The following COX15 variants were observed in gnomAD, a reference collection of about 807,000 sequenced individuals.
COX15 encodes the protein cytochrome c oxidase assembly factor COX15.
COX15 carries 51 observed loss-of-function variants against 51.9 expected under a neutral mutation model. The ratio of observed to expected loss-of-function variants is 0.98; its 90% CI spans 0.78 to 1.24. The LOEUF is 1.24. Among genes scored for constraint, COX15 ranks in the 50% most tolerant of loss-of-function variants. The pLI is 0.00. For missense variants in COX15, 420 were observed against 501.1 expected (o/e 0.84, Z 1.55); for synonymous variants, 188 against 190.5 (o/e 0.99, Z 0.11).
downstream of COX15, chr10:99,709,409 C>G: frequency 1.0e-6 from 1 of 985,398 alleles, no homozygotes; most frequent in Non-Finnish European, 1.2e-6. Flanking sequence ...CTTAGGGACG[C>G]TAGCTCCAGA....
chr10:99,707,226 C>G (rs17112172), downstream of COX15, among the ~76,000 whole-genome samples: 35,728 of 151,918 alleles, frequency 0.24, 4,316 homozygotes, highest in South Asian at 0.3. Context: ...CTAGGCTTGT[C>G]TTTATTACCA....
chr10:99,717,513 C>CT (rs2036615553), intron 7 of COX15, among the ~76,000 whole-genome samples: 1 of 151,938 alleles, frequency 6.6e-6, no homozygotes, highest in Non-Finnish European at 1.5e-5. Context: ...GCCCAGTGCT[C>CT]TTATTTTTAA....
At position 99,713,382 on chromosome 10, in the gene COX15, T is replaced by C; in HGVS notation, c.*1205A>G. 2 of 1,613,902 alleles carry C rather than the reference T, an allele frequency of 1.2e-6. No individual in the cohort carries two copies. The highest frequency in any genetic ancestry group is 1.7e-6 in the Non-Finnish European group (2 of 1,179,954). On this transcript the variant is annotated 3_prime_UTR_variant, in exon 9 of 9. Coordinates refer to ENST00000016171, the MANE Select transcript of COX15 (RefSeq NM_078470.6). ...TTTCAGTTGCCACTGTCATCTATTA[T>C]ATTAGCAATATTGGGTTGCTCCATC...
intron 6 of COX15, 146 bp from the exon 7 acceptor site, chr10:99,718,646 C>A: frequency 1.2e-6 from 1 of 834,404 alleles, no homozygotes; most frequent in Non-Finnish European, 2.0e-6. Context: ...AGGAGTTCTC[C>A]AACAGAGAAG....
At chr10:99,729,829 A>T in intron 1 of COX15, 95 bp from the exon 2 acceptor site, 4 of 1,164,418 alleles carry the variant, frequency 3.4e-6, no homozygotes, top group Non-Finnish European at 3.8e-6. Context: ...GTACCATAGC[A>T]TCCCCACAGC....
rs863223944 is a variant in COX15 at position 99,727,555 on chromosome 10, T to G, written c.281A>C (p.Glu94Ala). The change falls in exon 3 of 9, where the codon GAG (glutamate) becomes GCG (alanine). Residue 94 changes from glutamate to alanine, a missense_variant. Coordinates refer to ENST00000016171, the MANE Select transcript of COX15 (RefSeq NM_078470.6). ...CCAATCTACCATCGAGAGGCCAGAC[T>G]CTGTCAACCTTAGGATAGGAAAGAA... ...VILGGVTRLTESGLSMVDWHL... is the reference protein window; with the variant it reads ...VILGGVTRLTASGLSMVDWHL... 3.1e-6 allele frequency: 5 copies of G among 1,613,494 alleles called. No homozygotes were observed. The highest frequency in any genetic ancestry group is 3.4e-6 in the Non-Finnish European group (4 of 1,180,020).
At chr10:99,708,059 C>T (rs2036287377), downstream of COX15, among the ~76,000 whole-genome samples, 1 of 152,150 alleles carries the variant, frequency 6.6e-6, no homozygotes, top group African/African-American at 2.4e-5. Context: ...CTCTCTCCCT[C>T]CCTGCTCTAG....
rs1182899479 is a variant in COX15, at chr10:99,723,946, C to A, written c.750+10G>T. ...GGTCTTGAACACAGATATTTGCACA[C>A]AACTCTTACCTTGTGCGGAGGGAGT... On this transcript the variant is annotated intron_variant, in intron 5 of 8. Coordinates refer to ENST00000016171, the MANE Select transcript of COX15 (RefSeq NM_078470.6). The A allele has an allele frequency of 1.2e-6, 2 of 1,613,548 alleles. No individual in the cohort carries two copies. The highest frequency in any genetic ancestry group is 2.2e-5 in the South Asian group (2 of 91,056).
the COX15 span, chr10:99,702,703 TG>T: frequency 6.3e-7 from 1 of 1,579,542 alleles, no homozygotes; most frequent in Non-Finnish European, 8.6e-7. Context: ...TCTGGTATCT[TG>T]AGCTCAGAGG....
intron 2 of COX15, among the ~76,000 whole-genome samples, chr10:99,728,923 T>C (rs1468571051): frequency 6.6e-6 from 1 of 152,238 alleles, no homozygotes; most frequent in Non-Finnish European, 1.5e-5. Flanking sequence ...CAGAACTTCT[T>C]TGGGTTTAAT....
intron 5 of COX15, 96 bp downstream of exon 5, chr10:99,723,860 C>A: frequency 7.1e-7 from 1 of 1,400,322 alleles, no homozygotes; most frequent in Non-Finnish European, 1.0e-6. Flanking sequence ...GCAAAATATT[C>A]AACTCCTATA....
chr10:99,711,244 T>C lies in COX15; in HGVS notation c.*3343A>G. 1.0e-6 allele frequency: 1 copy of C among 985,354 alleles called. No homozygotes were observed. The highest frequency in any genetic ancestry group is 1.2e-6 in the Non-Finnish European group (1 of 829,862). The allele number at this position is 985,354 out of a possible 1,614,324, so 61.0% of individuals were successfully genotyped here. ...AAGTAAAACATCTGAAACCTTAACT[T>C]ACTCATGAGTTGCTACTTCCTTGGA... On this transcript the variant is annotated 3_prime_UTR_variant, in exon 9 of 9. Coordinates refer to ENST00000016171, the MANE Select transcript of COX15 (RefSeq NM_078470.6).
At chr10:99,709,056 TTTC>T (rs1590072138), downstream of COX15, 2 of 982,932 alleles carry the variant, frequency 2.0e-6, no homozygotes, top group Non-Finnish European at 2.4e-6. Context: ...TGTTCCTGTA[TTTC>T]TTTTCGTACT....
In COX15 at chr10:99,712,801, C is replaced by T. The variant is rs541168918; in HGVS notation, c.*1786G>A. On this transcript the variant is annotated 3_prime_UTR_variant, in exon 9 of 9. Transcript: ENST00000016171. ...TTGATTTGGTCTACCCTACTCTTGC[C>T]TTCTACAGAACTAAAACTAACTTCC... 13 of 327,718 alleles carry T rather than the reference C, an allele frequency of 4.0e-5. No homozygotes were observed. The highest frequency in any genetic ancestry group is 3.6e-4 in the Admixed American group (6 of 16,576). 20.3% of individuals were successfully genotyped at this position (327,718 alleles called of 1,614,324 possible). A position where few individuals can be genotyped will look rare whatever the true frequency, so the allele number is the denominator to read the frequency against.
In COX15 at chr10:99,713,154, T is replaced by C. The variant is rs942691713; in HGVS notation, c.*1433A>G. 1 of 1,334,384 alleles carries C rather than the reference T, an allele frequency of 7.5e-7. No individual in the cohort carries two copies. The highest frequency in any genetic ancestry group is 3.2e-5 in the Admixed American group (1 of 31,192). The allele number at this position is 1,334,384 out of a possible 1,614,324, so 82.7% of individuals were successfully genotyped here. A position where few individuals can be genotyped will look rare whatever the true frequency, so the allele number is the denominator to read the frequency against. On this transcript the variant is annotated 3_prime_UTR_variant, in exon 9 of 9. Transcript: ENST00000016171. ...TGATAAAACCTGAAGTACCACTAAT[T>C]TTTCTGTTATCATATAATAACAACA... is the stretch of plus-strand genomic sequence containing the variant.
rs2037188458 is a variant in COX15 at position 99,732,116 on chromosome 10, G to A, written c.-67C>T. 1.9e-6 allele frequency: 3 copies of A among 1,570,192 alleles called. No individual in the cohort carries two copies. Among genetic ancestry groups the A allele is most frequent in the South Asian group, 2.3e-5 (2 of 86,262 alleles). On this transcript the variant is annotated 5_prime_UTR_variant, in exon 1 of 9. Coordinates refer to ENST00000016171, the MANE Select transcript of COX15 (RefSeq NM_078470.6). Reference sequence around the variant, plus strand: ...TCTGTGGTCTCCCTCCTCCGCCAAGGAAAAGAGAAGCACTTCCGGGTCGGG... The same window carrying A: ...TCTGTGGTCTCCCTCCTCCGCCAAGAAAAAGAGAAGCACTTCCGGGTCGGG...
intron 6 of COX15, 22 bp downstream of exon 6, chr10:99,720,965 T>C (rs372655688): frequency 2.2e-5 from 35 of 1,606,658 alleles, no homozygotes; most frequent in Non-Finnish European, 2.3e-5. Context: ...AAACAGGTCA[T>C]CTTTGATGAG....
Position 99,714,254 on chromosome 10 carries a change from C to T in COX15, c.*333G>A, listed in dbSNP as rs117493763. 4.9e-4 allele frequency: 576 copies of T among 1,170,332 alleles called. 1 individual carries two copies. The highest frequency in any genetic ancestry group is 7.8e-4 in the Middle Eastern group (2 of 2,556). The allele number at this position is 1,170,332 out of a possible 1,614,324, so 72.5% of individuals were successfully genotyped here. A position where few individuals can be genotyped will look rare whatever the true frequency, so the allele number is the denominator to read the frequency against. On this transcript the variant is annotated 3_prime_UTR_variant, in exon 9 of 9. Transcript: ENST00000016171. The stretch of plus-strand genomic sequence containing the variant: ...AATTAAGGACTCAGGAGAACATCCA[C>T]GTAGAAATCATCCACGTAGAACCAA...
chr10:99,700,791 T>C, the COX15 span: 1 of 648,400 alleles, frequency 1.5e-6, no homozygotes, highest in Non-Finnish European at 2.8e-6. Context: ...GTGCTAGACA[T>C]GGGATGACGG....
Sources: gnomAD v4.1 joint callset for allele counts (sites outside exome capture counted in the v4.1 genomes callset) on GRCh38, gnomAD v4.1.1 for gene constraint, MANE v1.5 for transcripts, NCBI Gene and HGNC (gene_info 2026-07-23, HGNC 2026-07-21) for gene names.